The following EXOC3L2 variants were observed in gnomAD, a reference collection of about 807,000 sequenced individuals.
EXOC3L2 encodes exocyst complex component 3 like 2, also known as exocyst complex component 3-like protein 2.
EXOC3L2 carries 17 observed loss-of-function variants against 44.4 expected under a neutral mutation model. The ratio of observed to expected loss-of-function variants is 0.38; its 90% CI spans 0.26 to 0.57. EXOC3L2 has a LOEUF of 0.57. EXOC3L2 is among the 20% of genes least tolerant of loss of function. The probability of loss-of-function intolerance (pLI) is 0.65; values close to 1 mark genes in which losing one functional copy is unlikely to be tolerated. For missense variants in EXOC3L2, 541 were observed against 588.4 expected, an observed-to-expected ratio of 0.92 and a Z score of 0.83; for synonymous variants, 256 against 253.7, an observed-to-expected ratio of 1.01 and a Z score of -0.09.
Position 45,213,100 on chromosome 19 carries a change from G to A in EXOC3L2, c.2378C>T (p.Pro793Leu), listed in dbSNP as rs544057932. The change falls in exon 12 of 12, where the codon CCG becomes CTG. Residue 793 changes from proline to leucine, a missense_variant. By Grantham distance (98) the Pro-to-Leu change is moderately conservative (BLOSUM62 -3). Coordinates refer to ENST00000413988, the MANE Select transcript of EXOC3L2 (RefSeq NM_001382422.1). ...SLACLPRPRPPSLARPRAQR is the reference protein window; with the variant it reads ...SLACLPRPRPLSLARPRAQR ...CTGGGCCCGAGGTCGCGCTAGAGACGGAGGCCGGGGCCGAGGCAGACAGGC... is the reference window on the plus strand; with the variant it reads ...CTGGGCCCGAGGTCGCGCTAGAGACAGAGGCCGGGGCCGAGGCAGACAGGC... The A allele has an allele frequency of 3.7e-5, 57 of 1,528,364 alleles. No homozygotes were observed. Among genetic ancestry groups the A allele is most frequent in the Middle Eastern group, 2.0e-4 (1 of 4,884 alleles). The allele number at this position is 1,528,364 out of a possible 1,614,324, so 94.7% of individuals were successfully genotyped here. A position where few individuals can be genotyped will look rare whatever the true frequency, so the allele number is the denominator to read the frequency against.
Position 45,220,887 on chromosome 19 carries a change from G to C in EXOC3L2, c.1720-2568C>G, listed in dbSNP as rs558768703. Reference sequence around the variant, plus strand: ...AGTGGAGATAGGGAGGGGATGAAAGGGGGTGAGGAAGGGGAAGAGGAGAAT... The same window carrying C: ...AGTGGAGATAGGGAGGGGATGAAAGCGGGTGAGGAAGGGGAAGAGGAGAAT... On this transcript the variant is annotated intron_variant, in intron 8 of 11. Coordinates refer to ENST00000413988, the MANE Select transcript of EXOC3L2 (RefSeq NM_001382422.1). Among the ~76,000 whole-genome samples the C allele has an allele frequency of 3.9e-5, 6 of 152,058 alleles. No individual in the cohort carries two copies. In the East Asian group the frequency reaches 1.2e-3, roughly 29 times the overall value.
At chr19:45,218,405 G>A (rs1413228939) in intron 8 of EXOC3L2, 86 bp from the exon 9 acceptor site, 4 of 1,408,858 alleles carry the variant, frequency 2.8e-6, no homozygotes, top group Non-Finnish European at 3.7e-6. Flanking sequence ...ACCCTGCTCC[G>A]TGTTGAACCA....
intron 4 of EXOC3L2, among the ~76,000 whole-genome samples, chr19:45,229,178 G>A (rs953898126): frequency 2.7e-5 from 4 of 148,366 alleles, no homozygotes; most frequent in African/African-American, 4.9e-5. Flanking sequence ...GTGTGTGCAC[G>A]TGTGTGTATA....
intron 8 of EXOC3L2, 41 bp from the exon 9 acceptor site, chr19:45,218,360 C>T (rs772939636): frequency 3.9e-6 from 6 of 1,527,506 alleles, no homozygotes; most frequent in Non-Finnish European, 5.3e-6. Flanking sequence ...TCCTCCCTCC[C>T]ACCCTCCCTC....
In EXOC3L2 at chr19:45,234,755, C is replaced by T. The variant is rs1260814110; in HGVS notation, c.595G>A (p.Ala199Thr). ...CCCCTCGACGGCGCCAGCTCCTCGG[C>T]CTCTAGCTCCAGGATGTGCTCGTCC... The part of the protein sequence containing the change: ...RADEHILELE[A>T]EELAPSRGGA... Residue 199 changes from alanine to threonine, a missense_variant, in exon 3 of 12, where the codon GCC (alanine) becomes ACC (threonine). Coordinates refer to ENST00000413988, the MANE Select transcript of EXOC3L2 (RefSeq NM_001382422.1). This position sits in a 1 kb window ranked among gnomAD's most constrained non-coding sequence, Gnocchi z 5.0. 2 of 395,910 alleles carry T rather than the reference C, an allele frequency of 5.1e-6. No homozygotes were observed. The highest frequency in any genetic ancestry group is 2.1e-5 in the African/African-American group (1 of 48,476). 24.5% of individuals were successfully genotyped at this position (395,910 alleles called of 1,614,324 possible).
In EXOC3L2 at chr19:45,227,481, C is replaced by T. The variant is rs148322465; in HGVS notation, c.1583+181G>A. 1.6e-3 allele frequency among the ~76,000 whole-genome samples: 245 copies of T among 152,216 alleles called. 1 individual carries two copies. The highest frequency in any genetic ancestry group is 5.6e-3 in the African/African-American group (233 of 41,542). ...CTAGGATTCTGTAATTCGAACACTC[C>T]AATATTCGGATGCTCTGTGGTGCTA... On this transcript the variant is annotated intron_variant, in intron 7 of 11. Coordinates refer to ENST00000413988, the MANE Select transcript of EXOC3L2 (RefSeq NM_001382422.1).
At position 45,213,208 on chromosome 19, in the gene EXOC3L2, G is replaced by A. The variant is rs745477613; in HGVS notation, c.2270C>T (p.Pro757Leu). Residue 757 changes from proline (P) to leucine (L), a missense_variant, in exon 12 of 12, where the codon CCT becomes CTT. Coordinates refer to ENST00000413988, the MANE Select transcript of EXOC3L2 (RefSeq NM_001382422.1). ...PRDRAFFADI[P>L]VPRPSFCLSL... is the part of the protein sequence containing the mutation. ...GAGACAGAAAGATGGGCGGGGCACA[G>A]GGATGTCTGCAAAGAAGGCACGGTC... 4.3e-6 allele frequency: 7 copies of A among 1,611,390 alleles called. No individual in the cohort carries two copies. The Admixed American group carries it at 5.0e-5, about 12-fold the overall frequency.
chr19:45,226,422 A>C (rs957816343), intron 7 of EXOC3L2, among the ~76,000 whole-genome samples: 3 of 152,058 alleles, frequency 2.0e-5, no homozygotes, highest in Admixed American at 2.0e-4. Context: ...GGCAACATAG[A>C]GAGACCTCCA....
chr19:45,238,456 C>G lies in EXOC3L2; in HGVS notation c.523+67G>C, dbSNP rs1970102362. 5.0e-6 allele frequency: 2 copies of G among 399,472 alleles called. No homozygotes were observed. The highest frequency in any genetic ancestry group is 8.8e-6 in the Non-Finnish European group (2 of 226,196). The allele number at this position is 399,472 out of a possible 1,614,324, so 24.7% of individuals were successfully genotyped here. A position where few individuals can be genotyped will look rare whatever the true frequency, so the allele number is the denominator to read the frequency against. ...TGGGCTTAAGTATGAAGCCTGGGAC[C>G]ACCAGGGCTGGGGATGGACATGGGC... On this transcript the variant is annotated intron_variant, in intron 2 of 11. Transcript: ENST00000413988. This position sits in a 1 kb window ranked among gnomAD's most constrained non-coding sequence, Gnocchi z 5.5.
chr19:45,233,840 G>C (rs891726928), intron 3 of EXOC3L2, among the ~76,000 whole-genome samples: 2 of 152,202 alleles, frequency 1.3e-5, no homozygotes, highest in African/African-American at 4.8e-5. Flanking sequence ...AAGGTTCTAG[G>C]ACTAGAGGAA....
intron 7 of EXOC3L2, among the ~76,000 whole-genome samples, chr19:45,226,891 T>C (rs1263311054): frequency 6.6e-6 from 1 of 150,628 alleles, no homozygotes; most frequent in African/African-American, 2.5e-5. Flanking sequence ...TAGCTGGGAC[T>C]ACAGGTGCCC....
intron 3 of EXOC3L2, among the ~76,000 whole-genome samples, chr19:45,233,393 CT>C (rs1353190402): frequency 6.6e-6 from 1 of 152,152 alleles, no homozygotes; most frequent in Admixed American, 6.5e-5. Flanking sequence ...GTCAACAGTA[CT>C]AATGCCCTAG....
intron 2 of EXOC3L2, among the ~76,000 whole-genome samples, chr19:45,237,404 G>T (rs1970093198): frequency 6.6e-6 from 1 of 152,148 alleles, no homozygotes; most frequent in Non-Finnish European, 1.5e-5. Flanking sequence ...TGGTGGCTAA[G>T]GTGGGAGGAT....
intron 1 of EXOC3L2, among the ~76,000 whole-genome samples, chr19:45,242,735 G>A (rs1329668831): frequency 2.0e-5 from 3 of 151,944 alleles, no homozygotes; most frequent in Non-Finnish European, 2.9e-5. Flanking sequence ...GGTGGCGGGT[G>A]CCTGTAGTCC....
intron 3 of EXOC3L2, among the ~76,000 whole-genome samples, 171 bp from the exon 4 acceptor site, chr19:45,232,045 C>T (rs138339429): frequency 0.021 from 3,170 of 152,224 alleles, 50 homozygotes; most frequent in Non-Finnish European, 0.033. Flanking sequence ...GTTGCTTCCC[C>T]GGCTCCAGCT....
At chr19:45,218,761 C>T (rs531670833) in intron 8 of EXOC3L2, among the ~76,000 whole-genome samples, 3 of 152,092 alleles carry the variant, frequency 2.0e-5, no homozygotes, top group South Asian at 2.1e-4. Flanking sequence ...AGAGGACCAG[C>T]GAAAAGGTCA....
chr19:45,237,092 T>G (rs1239706969), intron 2 of EXOC3L2, among the ~76,000 whole-genome samples: 3 of 143,654 alleles, frequency 2.1e-5, no homozygotes, highest in African/African-American at 7.8e-5. Flanking sequence ...GGGTTAAGAG[T>G]GAGACCAAAA....
chr19:45,228,155 C>T lies in EXOC3L2; in HGVS notation c.1371+10G>A. ...TCCAGCCCATCCCCCAGCCTCCCTC[C>T]ACCTCCTACCTCACACACATCCTGG... On this transcript the variant is annotated intron_variant, in intron 5 of 11. Coordinates refer to ENST00000413988, the MANE Select transcript of EXOC3L2 (RefSeq NM_001382422.1). 1.9e-6 allele frequency: 3 copies of T among 1,613,996 alleles called. No individual in the cohort carries two copies. Among genetic ancestry groups the T allele is most frequent in the African/African-American group, 2.7e-5 (2 of 75,018 alleles).
intron 4 of EXOC3L2, among the ~76,000 whole-genome samples, chr19:45,229,157 CTTAA>C (rs1173728736): frequency 6.7e-6 from 1 of 149,240 alleles, no homozygotes; most frequent in Non-Finnish European, 1.5e-5. Flanking sequence ...TAAGCAAGGG[CTTAA>C]TTGTGTGTGT....
Sources: gnomAD v4.1 joint callset for allele counts (sites outside exome capture counted in the v4.1 genomes callset) on GRCh38, gnomAD v4.1.1 for gene constraint, Gnocchi (gnomAD v3.1) non-coding constraint, MANE v1.5 for transcripts, NCBI Gene and HGNC (gene_info 2026-07-23, HGNC 2026-07-21) for gene names.